FAP: variants seen among roughly 807,000 people sequenced by gnomAD.
FAP encodes fibroblast activation protein alpha.
A neutral mutation model predicts 126.5 loss-of-function variants in FAP; 110 were observed. That is an observed-to-expected ratio of 0.87 (90% CI 0.74 to 1.02). The LOEUF is 1.02. FAP is among the 50% of genes least tolerant of loss of function. The pLI is 0.00. For synonymous variants in FAP, 334 were observed against 297.3 expected (o/e 1.12, Z -1.27); for missense variants, 919 against 909.2 (o/e 1.01, Z -0.14).
intron 19 of FAP, 101 bp from the exon 20 acceptor site, chr2:162,188,464 G>T (rs1156421696): frequency 1.5e-5 from 15 of 995,360 alleles, no homozygotes; most frequent in Non-Finnish European, 2.2e-5. Flanking sequence ...GTACAATTAT[G>T]TGATAAAATA....
rs1689277443 is a variant in FAP, at chr2:162,219,081, G to A, written c.589C>T (p.Pro197Ser). 1 of 1,603,610 alleles carries A rather than the reference G, an allele frequency of 6.2e-7. No individual in the cohort carries two copies. The part of the protein sequence containing the change: ...GRENKIFNGI[P>S]DWVYEEEMLA... ...AGCTTACCTTCATAAACCCAGTCTG[G>A]GATTCCATTAAATATTTTATTTTCT... Residue 197 changes from proline to serine, a missense_variant, in exon 8 of 26, where the codon CCA (proline) becomes TCA (serine). By Grantham distance (74) the Pro-to-Ser change is moderately conservative. Coordinates refer to ENST00000188790, the MANE Select transcript of FAP (RefSeq NM_004460.5).
intron 20 of FAP, among the ~76,000 whole-genome samples, chr2:162,184,007 C>T (rs1687780045): frequency 1.3e-5 from 2 of 151,982 alleles, no homozygotes; most frequent in African/African-American, 2.4e-5. Flanking sequence ...GAAATAATTC[C>T]TTTTTAGCTC....
In FAP at chr2:162,218,052, T is replaced by C; in HGVS notation, c.696A>G (p.Pro232=). The change falls in exon 9 of 26, where the codon CCA becomes CCG. Residue 232 remains proline (P), a synonymous_variant. Coordinates refer to ENST00000188790, the MANE Select transcript of FAP (RefSeq NM_004460.5). Reference sequence around the variant, plus strand: ...CGCCATAATAGGAATAGGCAATAACTGGTATATCCGTATCATTAAATTCCG... The same window carrying C: ...CGCCATAATAGGAATAGGCAATAACCGGTATATCCGTATCATTAAATTCCG... ...AYAEFNDTDI[P]VIAYSYYGDE... 6.2e-7 allele frequency: 1 copy of C among 1,606,700 alleles called. No homozygotes were observed. The highest frequency in any genetic ancestry group is 8.5e-7 in the Non-Finnish European group (1 of 1,175,248).
intron 2 of FAP, among the ~76,000 whole-genome samples, chr2:162,232,567 G>T (rs1290361039): frequency 6.6e-6 from 1 of 152,166 alleles, no homozygotes. Flanking sequence ...AAAGCAAATA[G>T]GTTGCTAGCT....
chr2:162,171,563 C>G (rs1687305207), intron 25 of FAP: 1 of 156,958 alleles, frequency 6.4e-6, no homozygotes, highest in Non-Finnish European at 1.4e-5. Flanking sequence ...GCCATAAACA[C>G]CCTTTATAGG....
Position 162,202,884 on chromosome 2 carries a change from G to A in FAP, c.1211C>T (p.Thr404Ile). 2 of 1,613,318 alleles carry A rather than the reference G, an allele frequency of 1.2e-6. No homozygotes were observed. Among genetic ancestry groups the A allele is most frequent in the Non-Finnish European group, 1.7e-6 (2 of 1,179,340 alleles). The stretch of plus-strand genomic sequence containing the variant: ...GTGCAATACTTACAGTGAATCCTGT[G>A]TTACTCTGAATATATTTATGGCCTC... The part of the protein sequence containing the change: ...KWEAINIFRV[T>I]QDSLFYSSNE... Residue 404 changes from threonine (T) to isoleucine (I), a missense_variant, in exon 14 of 26, where the codon ACA becomes ATA. By Grantham distance (89) the Thr-to-Ile change is moderately conservative. Transcript: ENST00000188790.
chr2:162,188,098 T>C (rs1423279801), intron 20 of FAP, 71 bp downstream of exon 20: 2 of 1,223,160 alleles, frequency 1.6e-6, no homozygotes, highest in African/African-American at 1.5e-5. Context: ...TCATGAAGAA[T>C]GGAGAAACAC....
At chr2:162,179,094 C>T (rs191823128) in intron 21 of FAP, among the ~76,000 whole-genome samples, 7 of 152,268 alleles carry the variant, frequency 4.6e-5, no homozygotes, top group Non-Finnish European at 2.9e-5. Context: ...CTTTCTAAGA[C>T]ACCAATACCT....
At chr2:162,210,511 C>A (rs1482203344) in intron 11 of FAP, among the ~76,000 whole-genome samples, 5 of 152,078 alleles carry the variant, frequency 3.3e-5, no homozygotes, top group African/African-American at 1.2e-4. Flanking sequence ...AAATAAATAG[C>A]ATAGAGACCA....
chr2:162,226,436 T>C (rs1689650053), intron 3 of FAP, 87 bp downstream of exon 3: 1 of 612,898 alleles, frequency 1.6e-6, no homozygotes, highest in African/African-American at 1.9e-5. Context: ...TGATACGGCT[T>C]CAGTTACTAT....
intron 6 of FAP, chr2:162,221,668 C>G (rs1305054004): frequency 2.2e-6 from 1 of 456,524 alleles, no homozygotes; most frequent in African/African-American, 2.0e-5. Flanking sequence ...CAGCACTAAG[C>G]TAAAAATCTC....
chr2:162,228,106 T>C (rs1689732623), intron 2 of FAP, among the ~76,000 whole-genome samples: 1 of 152,176 alleles, frequency 6.6e-6, no homozygotes, highest in Non-Finnish European at 1.5e-5. Flanking sequence ...CCCAAGTGTC[T>C]AGCACATACA....
At chr2:162,202,491 C>T (rs1688535115) in intron 14 of FAP, among the ~76,000 whole-genome samples, 1 of 152,128 alleles carries the variant, frequency 6.6e-6, no homozygotes, top group Non-Finnish European at 1.5e-5. Context: ...TAATGTTAAA[C>T]TTATATAACA....
intron 6 of FAP, among the ~76,000 whole-genome samples, chr2:162,220,383 A>T (rs890687072): frequency 1.3e-5 from 2 of 152,232 alleles, no homozygotes; most frequent in Admixed American, 1.3e-4. Flanking sequence ...CACTAGACTG[A>T]AATGGTCACT....
At chr2:162,214,125 C>A (rs1344475883) in intron 10 of FAP, 52 bp from the exon 11 acceptor site, 1 of 1,575,684 alleles carries the variant, frequency 6.3e-7, no homozygotes, top group Non-Finnish European at 8.6e-7. Flanking sequence ...GTTTCACACA[C>A]AAATAATTTC....
intron 6 of FAP, among the ~76,000 whole-genome samples, chr2:162,221,252 G>A (rs1689382346): frequency 6.6e-6 from 1 of 152,042 alleles, no homozygotes; most frequent in African/African-American, 2.4e-5. Context: ...TTAAAAGATT[G>A]ACCCAGGCCT....
At position 162,173,726 on chromosome 2, in the gene FAP, A is replaced by G; in HGVS notation, c.2031T>C (p.Tyr677=). Residue 677 remains tyrosine, a synonymous_variant, in exon 23 of 26, where the codon TAT becomes TAC. Coordinates refer to ENST00000188790, the MANE Select transcript of FAP (RefSeq NM_004460.5). Reference sequence around the variant, plus strand: ...TAAATAAAATGGAAACACTTACCTTATAGTGCTCAAGATTATCATCCTTTG... The same window carrying G: ...TAAATAAAATGGAAACACTTACCTTGTAGTGCTCAAGATTATCATCCTTTG... The part of the protein sequence containing the change: ...LPTKDDNLEH[Y]KNSTVMARAE... The G allele has an allele frequency of 6.3e-7, 1 of 1,589,930 alleles. No individual in the cohort carries two copies. The highest frequency in any genetic ancestry group is 8.6e-7 in the Non-Finnish European group (1 of 1,158,162).
At chr2:162,181,964 A>G (rs1203255976) in intron 21 of FAP, among the ~76,000 whole-genome samples, 1 of 152,178 alleles carries the variant, frequency 6.6e-6, no homozygotes, top group Admixed American at 6.5e-5. Context: ...CCCATTTCTT[A>G]CTTTCTTTGC....
At position 162,173,179 on chromosome 2, in the gene FAP, C is replaced by A. The variant is rs775739596; in HGVS notation, c.2077G>T (p.Asp693Tyr). 3.7e-6 allele frequency: 6 copies of A among 1,613,132 alleles called. No individual in the cohort carries two copies. The East Asian group carries it at 1.3e-4, about 36-fold the overall frequency. The change falls in exon 24 of 26, where the codon GAC becomes TAC. Residue 693 changes from aspartate to tyrosine, a missense_variant. Asp to Tyr is a radical substitution (Grantham distance 160). Coordinates refer to ENST00000188790, the MANE Select transcript of FAP (RefSeq NM_004460.5). ...GCTGTTCCGTGGATGAGAAGATAGT[C>A]TACATTTCTGAAATATTCTGCTCTT... ...MARAEYFRNV[D>Y]YLLIHGTADD...
Sources: allele counts gnomAD v4.1 joint callset (sites outside exome capture counted in the v4.1 genomes callset), GRCh38; gene constraint gnomAD v4.1.1; transcripts MANE v1.5; gene names NCBI Gene and HGNC (gene_info 2026-07-23, HGNC 2026-07-21).